The following NXPE3 variants were observed in gnomAD, a reference collection of about 807,000 sequenced individuals.
NXPE3 encodes the protein NXPE family member 3.
NXPE3 carries 26 observed loss-of-function variants against 46.1 expected under a neutral mutation model. That is an observed-to-expected ratio of 0.56 (90% confidence interval 0.41 to 0.78). The LOEUF (loss-of-function observed/expected upper bound fraction) is 0.78, where lower values mean the gene tolerates loss of function less well. Ranked by LOEUF, NXPE3 falls within the 30% of genes least tolerant of loss-of-function variation. The pLI, the probability that NXPE3 is intolerant of heterozygous loss-of-function variation, is 0.00. For synonymous variants in NXPE3, 272 were observed against 257.9 expected (o/e 1.05, Z -0.52); for missense variants, 620 against 686.0 (o/e 0.90, Z 1.07).
intron 6 of NXPE3, among the ~76,000 whole-genome samples, chr3:101,815,212 T>C (rs751439999): frequency 6.6e-6 from 1 of 152,246 alleles, no homozygotes; most frequent in South Asian, 2.1e-4. Flanking sequence ...GAGGTACACA[T>C]TGGTGATGTA....
chr3:101,791,670 C>T (rs1940527634), intron 4 of NXPE3, among the ~76,000 whole-genome samples: 1 of 152,114 alleles, frequency 6.6e-6, no homozygotes, highest in Non-Finnish European at 1.5e-5. Flanking sequence ...GCCACCACGC[C>T]CGGCCTTATC....
intron 4 of NXPE3, among the ~76,000 whole-genome samples, chr3:101,786,741 A>G (rs951757533): frequency 2.0e-5 from 3 of 152,162 alleles, no homozygotes; most frequent in Admixed American, 1.3e-4. Flanking sequence ...ATGTGTCTAG[A>G]TATTTTAGAA....
At chr3:101,788,756 C>T (rs1236766865) in intron 4 of NXPE3, among the ~76,000 whole-genome samples, 2 of 152,260 alleles carry the variant, frequency 1.3e-5, no homozygotes, top group African/African-American at 4.8e-5. Context: ...GCTGGGATTA[C>T]AGGCGTCTGC....
Position 101,816,742 on chromosome 3 carries a change from A to T in NXPE3, c.923-53A>T, listed in dbSNP as rs1003067259. 28 of 1,363,622 alleles carry T rather than the reference A, an allele frequency of 2.1e-5. 1 individual carries two copies. The South Asian group carries it at 3.0e-4, about 15-fold the overall frequency. 84.5% of individuals were successfully genotyped at this position (1,363,622 alleles called of 1,614,324 possible). On this transcript the variant is annotated intron_variant, in intron 6 of 7. Coordinates refer to ENST00000273347, the MANE Select transcript of NXPE3 (RefSeq NM_145037.4). Reference sequence around the variant, plus strand: ...ATAATTGTTTCTTGGGACATTTTTCATCTATTGTTGGAGGAGAATATTAAA... The same window carrying T: ...ATAATTGTTTCTTGGGACATTTTTCTTCTATTGTTGGAGGAGAATATTAAA...
chr3:101,797,264 T>C (rs1446474510), intron 4 of NXPE3, among the ~76,000 whole-genome samples: 1 of 152,174 alleles, frequency 6.6e-6, no homozygotes, highest in Non-Finnish European at 1.5e-5. Context: ...TCTTGATTTG[T>C]GAACTTTACA....
Position 101,782,142 on chromosome 3 carries a change from T to C in NXPE3, c.-465T>C. On this transcript the variant is annotated 5_prime_UTR_variant, in exon 2 of 8. Transcript: ENST00000273347. ...AATTGTATAGAAATGTAAAAAACAT[T>C]TATGTGTGCTTCACATGTGGCATGA... 1 of 152,174 alleles carries C rather than the reference T, an allele frequency of 6.6e-6. No homozygotes were observed. The highest frequency in any genetic ancestry group is 1.9e-4 in the East Asian group (1 of 5,206). 9.4% of individuals were successfully genotyped at this position (152,174 alleles called of 1,614,324 possible).
rs1942429806 is a variant in NXPE3 at position 101,825,021 on chromosome 3, G to T, written c.*3067G>T. 6.6e-6 allele frequency: 1 copy of T among 152,028 alleles called. No homozygotes were observed. The highest frequency in any genetic ancestry group is 1.5e-5 in the Non-Finnish European group (1 of 67,992). The allele number at this position is 152,028 out of a possible 1,614,324, so 9.4% of individuals were successfully genotyped here. Reference sequence around the variant, plus strand: ...AAATTTTTTTTTTAACAACTTTTAAGTTCAGGGGTACATGTGCCAGTTTGT... The same window carrying T: ...AAATTTTTTTTTTAACAACTTTTAATTTCAGGGGTACATGTGCCAGTTTGT... On this transcript the variant is annotated 3_prime_UTR_variant, in exon 8 of 8. Transcript: ENST00000273347.
intron 4 of NXPE3, among the ~76,000 whole-genome samples, chr3:101,800,387 T>G (rs1195163783): frequency 6.6e-6 from 1 of 152,176 alleles, no homozygotes; most frequent in Non-Finnish European, 1.5e-5. Context: ...CATTATGGCT[T>G]AAGAGAAGAC....
At position 101,821,793 on chromosome 3, in the gene NXPE3, A is replaced by G. The variant is rs748744889; in HGVS notation, c.1519A>G (p.Thr507Ala). The G allele has an allele frequency of 1.2e-6, 2 of 1,614,188 alleles. No homozygotes were observed. Among genetic ancestry groups the G allele is most frequent in the Admixed American group, 1.7e-5 (1 of 60,016 alleles). ...NSDWYNFQLD[T>A]ILRRMFSGVG... The stretch of plus-strand genomic sequence containing the variant: ...CGACTGGTACAACTTTCAGCTGGAC[A>G]CCATCCTTCGGAGGATGTTCTCAGG... The change falls in exon 8 of 8, where the codon ACC becomes GCC. Residue 507 changes from threonine to alanine, a missense_variant. Coordinates refer to ENST00000273347, the MANE Select transcript of NXPE3 (RefSeq NM_145037.4).
chr3:101,801,919 A>G lies in NXPE3; in HGVS notation c.778A>G (p.Arg260Gly), dbSNP rs755360990. ...FKPKKLPCSS[R>G]ITHFKGGYLK... Reference sequence around the variant, plus strand: ...ACCAAAGAAGCTCCCTTGCAGCAGCAGAATTACCCATTTCAAAGGTGGATA... The same window carrying G: ...ACCAAAGAAGCTCCCTTGCAGCAGCGGAATTACCCATTTCAAAGGTGGATA... Residue 260 changes from arginine to glycine, a missense_variant, in exon 5 of 8, where the codon AGA becomes GGA. Arg to Gly is a moderately radical substitution (Grantham distance 125). This residue lies in a region of NXPE3 where 511 missense variants were observed against 528.6 expected (regional missense o/e 0.97). Coordinates refer to ENST00000273347, the MANE Select transcript of NXPE3 (RefSeq NM_145037.4). 6.2e-7 allele frequency: 1 copy of G among 1,614,128 alleles called. No homozygotes were observed. The highest frequency in any genetic ancestry group is 1.1e-5 in the South Asian group (1 of 91,088).
At chr3:101,803,837 C>G (rs1941283351) in intron 5 of NXPE3, among the ~76,000 whole-genome samples, 1 of 152,188 alleles carries the variant, frequency 6.6e-6, no homozygotes. Flanking sequence ...CCAGGCTGGT[C>G]TTGAACCCCT....
Position 101,821,511 on chromosome 3 carries a change from CG to C in NXPE3, c.1238del (p.Arg413ProfsTer17). On this transcript the variant is annotated frameshift_variant, in exon 8 of 8. Coordinates refer to ENST00000273347, the MANE Select transcript of NXPE3 (RefSeq NM_145037.4). LOFTEE classifies it high-confidence loss of function. ...ATACCGCTGCCATGGTCCACCCATC[CG>C]CTTCACGACTGTCTTTAGCAATGAG... ...LKYRCHGPPI[R>X]FTTVFSNELH... is the part of the protein sequence containing the mutation. The C allele has an allele frequency of 6.2e-7, 1 of 1,614,186 alleles. No homozygotes were observed. Among genetic ancestry groups the C allele is most frequent in the Non-Finnish European group, 8.5e-7 (1 of 1,180,034 alleles).
At chr3:101,818,771 T>A (rs1942113779) in intron 7 of NXPE3, among the ~76,000 whole-genome samples, 1 of 97,832 alleles carries the variant, frequency 1.0e-5, no homozygotes, top group Non-Finnish European at 2.1e-5. Flanking sequence ...TTTTTTTTTT[T>A]TTTTTTTTTT....
chr3:101,821,939 C>T lies in NXPE3; in HGVS notation c.1665C>T (p.Cys555=). Reference sequence around the variant, plus strand: ...TGGACATGTTCTTGTCCTTTGTGTGCCCCTTGGAAACCTAGCCTGTCTTGG... The same window carrying T: ...TGGACATGTTCTTGTCCTTTGTGTGTCCCTTGGAAACCTAGCCTGTCTTGG... The part of the protein sequence containing the change: ...NQLDMFLSFV[C]PLET The change falls in exon 8 of 8, where the codon TGC becomes TGT. Residue 555 remains cysteine, a synonymous_variant. Coordinates refer to ENST00000273347, the MANE Select transcript of NXPE3 (RefSeq NM_145037.4). The T allele has an allele frequency of 6.2e-7, 1 of 1,612,866 alleles. No individual in the cohort carries two copies. The highest frequency in any genetic ancestry group is 8.5e-7 in the Non-Finnish European group (1 of 1,178,998).
chr3:101,806,908 AT>A (rs1358236010), intron 5 of NXPE3, 144 bp from the exon 6 acceptor site: 4 of 655,028 alleles, frequency 6.1e-6, no homozygotes, highest in Non-Finnish European at 1.1e-5. Context: ...CCAGTTTATT[AT>A]TTTGTGTTGG....
chr3:101,788,011 A>G (rs1009977724), intron 4 of NXPE3, among the ~76,000 whole-genome samples: 1 of 152,198 alleles, frequency 6.6e-6, no homozygotes, highest in African/African-American at 2.4e-5. Context: ...CCTTATCAAC[A>G]GTACACAAGG....
At chr3:101,813,056 G>C (rs1941796147) in intron 6 of NXPE3, among the ~76,000 whole-genome samples, 1 of 152,020 alleles carries the variant, frequency 6.6e-6, no homozygotes, top group Non-Finnish European at 1.5e-5. Context: ...GTGTAGCTGG[G>C]CCCTTCTCAT....
At chr3:101,781,220 C>CA (rs1024888877) in intron 1 of NXPE3, among the ~76,000 whole-genome samples, 1 of 152,154 alleles carries the variant, frequency 6.6e-6, no homozygotes, top group Non-Finnish European at 1.5e-5. Context: ...GCCAACAGGT[C>CA]AGAGTAGTTA....
intron 5 of NXPE3, among the ~76,000 whole-genome samples, 199 bp from the exon 6 acceptor site, chr3:101,806,854 C>A (rs1941441729): frequency 6.6e-6 from 1 of 152,134 alleles, no homozygotes; most frequent in African/African-American, 2.4e-5. Context: ...AATTTAATTT[C>A]TTTTCAGTTT....
Sources: gnomAD v4.1 joint callset for allele counts (sites outside exome capture counted in the v4.1 genomes callset) on GRCh38, gnomAD v4.1.1 for gene constraint, gnomAD v4.1.1 regional missense constraint, MANE v1.5 for transcripts, NCBI Gene and HGNC (gene_info 2026-07-23, HGNC 2026-07-21) for gene names.